Variants in KIAA1217 observed in about 807,000 individuals in gnomAD.
KIAA1217 encodes the protein KIAA1217, also known as sickle tail protein homolog.
A neutral mutation model predicts 163.9 loss-of-function variants in KIAA1217; 88 were observed. The ratio of observed to expected loss-of-function variants is 0.54; its 90% confidence interval spans 0.45 to 0.64. The LOEUF (loss-of-function observed/expected upper bound fraction) is 0.64. KIAA1217 is among the 30% of genes least tolerant of loss of function. The probability of loss-of-function intolerance (pLI) is 0.00; values close to 1 mark genes in which losing one functional copy is unlikely to be tolerated. For missense variants in KIAA1217, 2,372 were observed against 2,475.0 expected (o/e 0.96, Z 0.88); for synonymous variants, 903 against 923.1 (o/e 0.98, Z 0.39).
chr10:23,817,859 G>T (rs970391745), intron 1 of KIAA1217, among the ~76,000 whole-genome samples: 2 of 149,940 alleles, frequency 1.3e-5, no homozygotes, highest in African/African-American at 4.9e-5. Flanking sequence ...GCAGGTTGAG[G>T]CAGGAGGATT....
chr10:23,818,008 T>TATACAC (rs1415893173), intron 1 of KIAA1217, among the ~76,000 whole-genome samples: 1 of 87,264 alleles, frequency 1.1e-5, no homozygotes, highest in Non-Finnish European at 2.1e-5. Context: ...TATATATATA[T>TATACAC]ACACACATAT....
At chr10:24,498,978 A>G (rs1428504132) in intron 8 of KIAA1217, among the ~76,000 whole-genome samples, 2 of 152,224 alleles carry the variant, frequency 1.3e-5, no homozygotes, top group African/African-American at 4.8e-5. Flanking sequence ...AGGTATAGAA[A>G]GAATGTGTGA....
At chr10:24,210,734 A>C (rs2067973800) in intron 1 of KIAA1217, among the ~76,000 whole-genome samples, 2 of 152,178 alleles carry the variant, frequency 1.3e-5, no homozygotes, top group Non-Finnish European at 2.9e-5. Flanking sequence ...GCTGCCAGAC[A>C]TCCAGTGGTG....
At chr10:24,326,632 A>C (rs974268960) in intron 2 of KIAA1217, among the ~76,000 whole-genome samples, 4 of 152,232 alleles carry the variant, frequency 2.6e-5, no homozygotes, top group African/African-American at 7.2e-5. Context: ...TTTGTCAGTC[A>C]TATATTATCT....
At chr10:23,750,587 C>G (rs773023717) in intron 1 of KIAA1217, among the ~76,000 whole-genome samples, 1 of 152,140 alleles carries the variant, frequency 6.6e-6, no homozygotes, top group African/African-American at 2.4e-5. Context: ...TGCCCCTTTA[C>G]GCCTCTGTCT....
At chr10:23,923,641 A>AT (rs11382496) in intron 1 of KIAA1217, among the ~76,000 whole-genome samples, 33,701 of 151,864 alleles carry the variant, frequency 0.22, 7,841 homozygotes, top group African/African-American at 0.59. Flanking sequence ...AAGCCACAAC[A>AT]ACAGGTCACC....
At chr10:24,123,800 C>A (rs1272351483) in intron 2 of KIAA1217, among the ~76,000 whole-genome samples, 1 of 152,116 alleles carries the variant, frequency 6.6e-6, no homozygotes, top group Non-Finnish European at 1.5e-5. Context: ...CATATCTTTT[C>A]CAATACTTGG....
intron 1 of KIAA1217, among the ~76,000 whole-genome samples, chr10:23,725,447 T>TC (rs1350929003): frequency 6.6e-6 from 1 of 152,156 alleles, no homozygotes; most frequent in Non-Finnish European, 1.5e-5. Context: ...GAATTATACT[T>TC]CCCCCATCCT....
At chr10:24,395,679 G>A (rs975164882) in intron 3 of KIAA1217, among the ~76,000 whole-genome samples, 1 of 152,124 alleles carries the variant, frequency 6.6e-6, no homozygotes, top group African/African-American at 2.4e-5. Context: ...TAATGTAGGA[G>A]CCTTTTTTTA....
At chr10:24,294,586 C>A (rs537683664) in intron 2 of KIAA1217, among the ~76,000 whole-genome samples, 2 of 152,296 alleles carry the variant, frequency 1.3e-5, no homozygotes, top group South Asian at 4.1e-4. Flanking sequence ...TAAACACCAG[C>A]GTAGTCAGTG....
chr10:24,400,781 T>C (rs1211959045), intron 3 of KIAA1217, among the ~76,000 whole-genome samples: 1 of 151,758 alleles, frequency 6.6e-6, no homozygotes, highest in East Asian at 1.9e-4. Flanking sequence ...AAAGACCAAC[T>C]TAGAGACAGG....
intron 2 of KIAA1217, among the ~76,000 whole-genome samples, chr10:24,116,781 G>C (rs571110113): frequency 1.2e-4 from 18 of 152,050 alleles, no homozygotes; most frequent in Admixed American, 4.6e-4. Context: ...TCATTTTCCT[G>C]TGCTTATGGA....
At chr10:24,305,920 G>C (rs902539150) in intron 2 of KIAA1217, among the ~76,000 whole-genome samples, 1 of 152,004 alleles carries the variant, frequency 6.6e-6, no homozygotes, top group South Asian at 2.1e-4. Context: ...GATCGCCCAG[G>C]AGAGGAAATA....
At chr10:24,326,028 C>T (rs922450624) in intron 2 of KIAA1217, among the ~76,000 whole-genome samples, 4 of 152,240 alleles carry the variant, frequency 2.6e-5, no homozygotes, top group Non-Finnish European at 2.9e-5. Context: ...GGACCTGCCC[C>T]GCTAAGGCCT....
chr10:23,818,336 A>G (rs1837453371), intron 1 of KIAA1217, among the ~76,000 whole-genome samples: 2 of 116,214 alleles, frequency 1.7e-5, no homozygotes, highest in Non-Finnish European at 3.4e-5. Context: ...TATATTTTAT[A>G]TATATATATA....
intron 1 of KIAA1217, among the ~76,000 whole-genome samples, chr10:23,773,729 T>C (rs1834894797): frequency 6.6e-6 from 1 of 152,186 alleles, no homozygotes; most frequent in South Asian, 2.1e-4. Context: ...GAAGCAATTG[T>C]GAATGGGAGT....
At chr10:24,331,074 G>T (rs1591024711) in intron 2 of KIAA1217, among the ~76,000 whole-genome samples, 1 of 152,014 alleles carries the variant, frequency 6.6e-6, no homozygotes, top group Non-Finnish European at 1.5e-5. Context: ...CTCCCAGGTA[G>T]CTGGGACCAC....
intron 2 of KIAA1217, among the ~76,000 whole-genome samples, chr10:24,340,080 A>G (rs750535219): frequency 1.3e-5 from 2 of 152,250 alleles, no homozygotes; most frequent in African/African-American, 2.4e-5. Context: ...CTGGGACCTG[A>G]TCTCTTGGCC....
At chr10:24,460,040 G>A (rs929015547) in intron 5 of KIAA1217, among the ~76,000 whole-genome samples, 6 of 152,172 alleles carry the variant, frequency 3.9e-5, no homozygotes, top group African/African-American at 7.2e-5. Flanking sequence ...CTGCTGTGCC[G>A]ACTGCGGAGA....
Sources: gnomAD v4.1 joint callset for allele counts (sites outside exome capture counted in the v4.1 genomes callset) on GRCh38, gnomAD v4.1.1 for gene constraint, MANE v1.5 for transcripts, NCBI Gene and HGNC (gene_info 2026-07-23, HGNC 2026-07-21) for gene names.